The following GCSAML variants were observed in gnomAD, a reference collection of about 807,000 sequenced individuals.
The protein encoded by GCSAML is germinal center-associated signaling and motility-like protein.
A neutral mutation model predicts 13.0 loss-of-function variants in GCSAML; 9 were observed. The observed-to-expected ratio is 0.69, with a 90% CI of 0.42 to 1.21. The LOEUF is 1.21. Ranked by LOEUF, GCSAML falls within the 50% of genes most tolerant of loss-of-function variation. GCSAML has a pLI of 0.00. For missense variants in GCSAML, 143 were observed against 153.4 expected, an observed-to-expected ratio of 0.93 and a Z score of 0.36; for synonymous variants, 37 against 52.9, an observed-to-expected ratio of 0.70 and a Z score of 1.31.
intron 2 of GCSAML, among the ~76,000 whole-genome samples, chr1:247,563,357 A>G (rs2103057116): frequency 6.6e-6 from 1 of 152,336 alleles, no homozygotes; most frequent in Non-Finnish European, 1.5e-5. Context: ...CTGATAAGCT[A>G]ATAATTCTCT....
At chr1:247,521,521 C>T (rs115697054) in intron 1 of GCSAML, among the ~76,000 whole-genome samples, 1 of 152,298 alleles carries the variant, frequency 6.6e-6, no homozygotes, top group African/African-American at 2.4e-5. Context: ...CCTGGGATTG[C>T]AGGGGGCGCC....
intron 1 of GCSAML, 67 bp from the exon 2 acceptor site, chr1:247,556,340 G>A (rs1280917976): frequency 3.5e-5 from 40 of 1,127,008 alleles, no homozygotes; most frequent in Non-Finnish European, 4.9e-5. Flanking sequence ...TAGAAAGTTA[G>A]AGAAGAAGGT....
rs1667808718 is a variant in GCSAML at position 247,552,472 on chromosome 1, T to C, written c.29+3252T>C. Among the ~76,000 whole-genome samples the C allele has an allele frequency of 1.3e-5, 2 of 152,196 alleles. 1 individual carries two copies. The highest frequency in any genetic ancestry group is 4.1e-4 in the South Asian group (2 of 4,832). On this transcript the variant is annotated intron_variant, in intron 1 of 4. Transcript: ENST00000366488. ...CCTAATTTGCAGCCTGATAATTGGC[T>C]GCAGATGAGTCTGGGGAAGGTAGCT...
chr1:247,564,458 C>T (rs1388991585), intron 3 of GCSAML, among the ~76,000 whole-genome samples: 1 of 151,392 alleles, frequency 6.6e-6, no homozygotes, highest in Non-Finnish European at 1.5e-5. Context: ...TACTCAAAAT[C>T]GACAGTTATG....
intron 2 of GCSAML, chr1:247,528,242 AGTTT>A (rs1165733637): frequency 1.7e-5 from 2 of 117,014 alleles, no homozygotes; most frequent in Non-Finnish European, 3.5e-5. Flanking sequence ...ATTTCATTTT[AGTTT>A]GTTTTTAATT....
At chr1:247,531,798 TG>T in intron 2 of GCSAML, 1 of 1,614,180 alleles carries the variant, frequency 6.2e-7, no homozygotes, top group Non-Finnish European at 8.5e-7. Flanking sequence ...AGGTGTTGAA[TG>T]CCTTTCTCCG....
rs1299290855 is a variant in GCSAML, at chr1:247,514,461, C to T, written c.-263+7228C>T. 2.0e-5 allele frequency among the ~76,000 whole-genome samples: 3 copies of T among 150,906 alleles called. No homozygotes were observed. In the East Asian group the frequency reaches 5.9e-4, roughly 29 times the overall value. On this transcript the variant is annotated intron_variant, in intron 1 of 5. Transcript: ENST00000366489. Reference sequence around the variant, plus strand: ...TGCTATTTCTTTTGCTGTGCAGAAGCTTTTTAGTTTACTTAAGTGCTATCT... The same window carrying T: ...TGCTATTTCTTTTGCTGTGCAGAAGTTTTTTAGTTTACTTAAGTGCTATCT...
At chr1:247,541,787 A>G (rs1667420997) in intron 2 of GCSAML, among the ~76,000 whole-genome samples, 1 of 152,136 alleles carries the variant, frequency 6.6e-6, no homozygotes, top group African/African-American at 2.4e-5. Context: ...AGGTGGGCGG[A>G]TCACTTGAGG....
chr1:247,567,859 G>T (rs989275473), intron 4 of GCSAML, among the ~76,000 whole-genome samples: 11 of 152,114 alleles, frequency 7.2e-5, no homozygotes, highest in South Asian at 2.1e-4. Context: ...GATTTTTAAT[G>T]ATCACCATTC....
At chr1:247,553,530 A>G (rs1667850373) in intron 1 of GCSAML, among the ~76,000 whole-genome samples, 1 of 152,146 alleles carries the variant, frequency 6.6e-6, no homozygotes, top group South Asian at 2.1e-4. Context: ...TATTTTTGAC[A>G]TTTATATTTG....
chr1:247,556,295 G>C (rs1007755758), intron 1 of GCSAML, 112 bp from the exon 2 acceptor site: 1 of 730,336 alleles, frequency 1.4e-6, no homozygotes, highest in Admixed American at 2.6e-5. Context: ...AGGGAAGTTT[G>C]TCAAAAAGAA....
At position 247,527,968 on chromosome 1, in the gene GCSAML, C is replaced by T. The variant is rs1666748505; in HGVS notation, c.-148+914C>T. The stretch of plus-strand genomic sequence containing the variant: ...ATGAGATCAACCCTTTTTTAGCTTT[C>T]ACAGATGAATGAGAACATGCAGTAT... On this transcript the variant is annotated intron_variant, in intron 2 of 5. Coordinates refer to the GCSAML transcript ENST00000366489. The surrounding 1 kb of genome is among the most constrained non-coding windows in gnomAD (Gnocchi z 4.6). 6.6e-6 allele frequency: 1 copy of T among 152,058 alleles called. No homozygotes were observed. Among genetic ancestry groups the T allele is most frequent in the Non-Finnish European group, 1.5e-5 (1 of 68,016 alleles). The allele number at this position is 152,058 out of a possible 1,614,324, so 9.4% of individuals were successfully genotyped here. A position where few individuals can be genotyped will look rare whatever the true frequency, so the allele number is the denominator to read the frequency against.
intron 2 of GCSAML, among the ~76,000 whole-genome samples, chr1:247,541,826 A>G (rs1667422818): frequency 1.3e-5 from 2 of 151,974 alleles, no homozygotes; most frequent in Non-Finnish European, 2.9e-5. Flanking sequence ...CCTGCCCAAC[A>G]TGGTGAAAAC....
At chr1:247,518,957 C>A (rs1384822584) in intron 1 of GCSAML, among the ~76,000 whole-genome samples, 3 of 152,108 alleles carry the variant, frequency 2.0e-5, no homozygotes, top group African/African-American at 7.2e-5. Context: ...CCACTGCACT[C>A]CAGCCTGGGC....
intron 1 of GCSAML, among the ~76,000 whole-genome samples, chr1:247,523,997 T>TACACAC (rs34257635): frequency 0.22 from 31,912 of 147,644 alleles, 3,447 homozygotes; most frequent in Middle Eastern, 0.35. Context: ...ACATCTGTCT[T>TACACAC]ACACACACAC....
chr1:247,572,298 T>A (rs1476611958), intron 4 of GCSAML, among the ~76,000 whole-genome samples: 1 of 152,186 alleles, frequency 6.6e-6, no homozygotes, highest in East Asian at 1.9e-4. Flanking sequence ...ATTTGGAATT[T>A]TCAGCCTTTT....
At chr1:247,540,068 GTC>G (rs145570712) in intron 2 of GCSAML, among the ~76,000 whole-genome samples, 4,512 of 151,280 alleles carry the variant, frequency 0.03, 117 homozygotes, top group East Asian at 0.085. Flanking sequence ...GCCTAGAATA[GTC>G]TCTCTCTCTC....
At chr1:247,541,130 A>G (rs1409094452) in intron 2 of GCSAML, among the ~76,000 whole-genome samples, 3 of 152,196 alleles carry the variant, frequency 2.0e-5, no homozygotes, top group South Asian at 2.1e-4. Flanking sequence ...GTCTAAACCT[A>G]TGCTGGTTTA....
rs1553301825 is a variant in GCSAML at position 247,521,367 on chromosome 1, G to GTCTCCCTCTCCCTCTCCACGGTCTCCC, written c.-262-5562_-262-5536dup. Among the ~76,000 whole-genome samples the GTCTCCCTCTCCCTCTCCACGGTCTCCC allele has an allele frequency of 1.8e-3, 257 of 145,534 alleles. 8 individuals carry two copies. In the East Asian group the frequency reaches 0.025, roughly 14 times the overall value. ...CACGGTCTCCCTCTCCCTCTCCACG[G>GTCTCCCTCTCCCTCTCCACGGTCTCCC]TCTCCCTCTCCCTCTCCACGGTCTC... On this transcript the variant is annotated intron_variant, in intron 1 of 5. Coordinates refer to the GCSAML transcript ENST00000366489.
Sources: gnomAD v4.1 joint callset for allele counts (sites outside exome capture counted in the v4.1 genomes callset) on GRCh38, gnomAD v4.1.1 for gene constraint, Gnocchi (gnomAD v3.1) non-coding constraint, MANE v1.5 for transcripts, NCBI Gene and HGNC (gene_info 2026-07-23, HGNC 2026-07-21) for gene names.